The following ME3 variants were observed in gnomAD, a reference collection of about 807,000 sequenced individuals.
ME3 encodes malic enzyme 3, also known as NADP-dependent malic enzyme, mitochondrial.
Under a neutral mutation model 68.9 loss-of-function variants are expected in ME3, and 48 were observed. That is an observed-to-expected ratio of 0.70 (90% CI 0.55 to 0.89). The LOEUF (loss-of-function observed/expected upper bound fraction) is 0.89. Ranked by LOEUF, ME3 falls within the 40% of genes least tolerant of loss-of-function variation. ME3 has a pLI of 0.00. For missense variants in ME3, 675 were observed against 797.4 expected (o/e 0.85, Z 1.85); for synonymous variants, 320 against 318.8 (o/e 1.00, Z -0.04).
In ME3 at chr11:86,594,767, G is replaced by A. The variant is rs1363895241; in HGVS notation, c.184-34944C>T. ...AAATTTCAAAAGATTTTTCCTGCCTGCAGTGAGAAAATAATCCCAGTCCCA... is the reference window on the plus strand; with the variant it reads ...AAATTTCAAAAGATTTTTCCTGCCTACAGTGAGAAAATAATCCCAGTCCCA... On this transcript the variant is annotated intron_variant, in intron 2 of 14. Coordinates refer to ENST00000543262, the Ensembl canonical transcript of ME3. Among the ~76,000 whole-genome samples the A allele has an allele frequency of 4.1e-5, 6 of 146,832 alleles. 1 individual carries two copies. The highest frequency in any genetic ancestry group is 1.5e-4 in the African/African-American group (6 of 39,908).
chr11:86,659,358 A>G (rs1332203467), intron 2 of ME3, among the ~76,000 whole-genome samples: 1 of 152,232 alleles, frequency 6.6e-6, no homozygotes, highest in African/African-American at 2.4e-5. Context: ...GCTACCTTTC[A>G]AAGATGGTAG....
intron 2 of ME3, among the ~76,000 whole-genome samples, chr11:86,567,612 GTT>G (rs1378630314): frequency 6.6e-6 from 1 of 152,238 alleles, no homozygotes; most frequent in African/African-American, 2.4e-5. Flanking sequence ...AAGGAGAAAT[GTT>G]TTTCTTGGCT....
exon 5 of ME3, chr11:86,508,858 G>A (rs1273490479): frequency 1.2e-6 from 2 of 1,612,896 alleles, no homozygotes; most frequent in East Asian, 2.2e-5. Context: ...GAATGGTGAT[G>A]AACAGTCCAC....
chr11:86,556,450 TCAGAGTTAGCCTC>T lies in ME3; in HGVS notation c.467+90_467+102del, dbSNP rs1015153743. 3.6e-6 allele frequency: 5 copies of T among 1,373,112 alleles called. No individual in the cohort carries two copies. The African/African-American group carries it at 7.3e-5, about 20-fold the overall frequency. 85.1% of individuals were successfully genotyped at this position (1,373,112 alleles called of 1,614,324 possible). ...TCTTTTTGTTGGACCACTGACCCAA[TCAGAGTTAGCCTC>T]CAGAGTCCCAATATGCATGAAGGGC... is the stretch of plus-strand genomic sequence containing the variant. On this transcript the variant is annotated intron_variant, in intron 4 of 14. Transcript: ENST00000543262.
At chr11:86,463,707 C>T (rs530694070) in intron 8 of ME3, among the ~76,000 whole-genome samples, 1 of 152,300 alleles carries the variant, frequency 6.6e-6, no homozygotes, top group East Asian at 1.9e-4. Flanking sequence ...TATCTTGCCT[C>T]TTGAAAATGT....
intron 4 of ME3, among the ~76,000 whole-genome samples, chr11:86,531,090 T>G (rs1217309247): frequency 1.3e-5 from 2 of 151,998 alleles, no homozygotes; most frequent in South Asian, 2.1e-4. Flanking sequence ...AATTTTTGCA[T>G]TCTACTCATC....
At chr11:86,658,181 G>A (rs1354371541) in intron 2 of ME3, among the ~76,000 whole-genome samples, 1 of 151,532 alleles carries the variant, frequency 6.6e-6, no homozygotes, top group Non-Finnish European at 1.5e-5. Context: ...CTGGAGTGCA[G>A]GGCGCGATCT....
intron 2 of ME3, among the ~76,000 whole-genome samples, chr11:86,613,423 CCT>C (rs1392995153): frequency 1.3e-4 from 20 of 152,108 alleles, no homozygotes; most frequent in Non-Finnish European, 2.9e-5. Flanking sequence ...ACAAGGATGC[CCT>C]CTCTCACCAC....
chr11:86,632,141 G>A (rs2135330297), intron 2 of ME3, among the ~76,000 whole-genome samples: 1 of 152,324 alleles, frequency 6.6e-6, no homozygotes, highest in South Asian at 2.1e-4. Context: ...TTCCAACTCT[G>A]ACCTGCCTGA....
intron 4 of ME3, among the ~76,000 whole-genome samples, chr11:86,525,221 A>AATCTT (rs1954643543): frequency 1.3e-5 from 2 of 152,224 alleles, no homozygotes; most frequent in Admixed American, 6.5e-5. Flanking sequence ...AATGTTTCCA[A>AATCTT]TAGAGCAGTG....
rs113230445 is a variant in ME3, at chr11:86,463,737, G to A, written c.919+1354C>T. 9.8e-3 allele frequency among the ~76,000 whole-genome samples: 1,490 copies of A among 152,238 alleles called. 20 individuals carry two copies. Among genetic ancestry groups the A allele is most frequent in the African/African-American group, 0.031 (1,273 of 41,526 alleles). ...AAATGTATGACAAATACAAAAAGTCGTCTATCACATTTCTTATACCCTGTA... is the reference window on the plus strand; with the variant it reads ...AAATGTATGACAAATACAAAAAGTCATCTATCACATTTCTTATACCCTGTA... On this transcript the variant is annotated intron_variant, in intron 8 of 14. Transcript: ENST00000543262.
chr11:86,598,976 G>A (rs1307934338), intron 2 of ME3, among the ~76,000 whole-genome samples: 1 of 152,156 alleles, frequency 6.6e-6, no homozygotes, highest in Non-Finnish European at 1.5e-5. Flanking sequence ...AAGACAAAAA[G>A]TAGATAAAAC....
At position 86,594,098 on chromosome 11, in the gene ME3, A is replaced by T. The variant is rs1959178357; in HGVS notation, c.184-34275T>A. Among the ~76,000 whole-genome samples, 2 of 146,690 alleles carry T rather than the reference A, an allele frequency of 1.4e-5. 1 individual carries two copies. The highest frequency in any genetic ancestry group is 5.0e-5 in the African/African-American group (2 of 39,858). On this transcript the variant is annotated intron_variant, in intron 2 of 14. Transcript: ENST00000543262. ...GAAACAAAGTAAAAAAACAGACAAG[A>T]TATCCCTGCCTTCATGAAACTTACA...
intron 2 of ME3, among the ~76,000 whole-genome samples, chr11:86,598,793 G>A (rs193140377): frequency 5.9e-5 from 9 of 152,280 alleles, no homozygotes; most frequent in Middle Eastern, 3.4e-3. Context: ...CGCGGATCAC[G>A]AAAATCCACA....
chr11:86,513,136 T>C (rs1199571428), intron 4 of ME3, among the ~76,000 whole-genome samples: 1 of 152,200 alleles, frequency 6.6e-6, no homozygotes, highest in East Asian at 1.9e-4. Context: ...ACTTAAATTA[T>C]CTGTGTACAT....
intron 2 of ME3, among the ~76,000 whole-genome samples, chr11:86,615,348 C>G (rs1942883690): frequency 6.6e-6 from 1 of 152,196 alleles, no homozygotes; most frequent in Non-Finnish European, 1.5e-5. Flanking sequence ...TGGCACTTTA[C>G]ATACATTAAC....
At chr11:86,449,426 A>G (rs950420129) in intron 10 of ME3, among the ~76,000 whole-genome samples, 1 of 152,222 alleles carries the variant, frequency 6.6e-6, no homozygotes, top group Non-Finnish European at 1.5e-5. Flanking sequence ...TGGTAAGTAC[A>G]ATGTATGGAG....
chr11:86,565,274 T>C (rs1325934208), intron 2 of ME3, among the ~76,000 whole-genome samples: 4 of 152,166 alleles, frequency 2.6e-5, no homozygotes, highest in Non-Finnish European at 4.4e-5. Flanking sequence ...GACTGGTACA[T>C]TGCTGGTGAG....
intron 2 of ME3, among the ~76,000 whole-genome samples, chr11:86,613,981 A>C (rs1249832241): frequency 2.6e-5 from 4 of 152,226 alleles, no homozygotes; most frequent in African/African-American, 9.6e-5. Context: ...TTTAAATTTC[A>C]TATGGAACCA....
Sources: allele counts gnomAD v4.1 joint callset (sites outside exome capture counted in the v4.1 genomes callset), GRCh38; gene constraint gnomAD v4.1.1; transcripts MANE v1.5; gene names NCBI Gene and HGNC (gene_info 2026-07-23, HGNC 2026-07-21).